MAPRE3: variants seen among roughly 807,000 people sequenced by gnomAD.
MAPRE3 encodes microtubule-associated protein RP/EB family member 3.
A neutral mutation model predicts 30.5 loss-of-function variants in MAPRE3; 2 were observed. That is an observed-to-expected ratio of 0.07 (90% CI 0.03 to 0.21). The LOEUF (loss-of-function observed/expected upper bound fraction) is 0.21. Among genes scored for constraint, MAPRE3 ranks in the 10% least tolerant of loss-of-function variants. The pLI is 1.00. For synonymous variants in MAPRE3, 110 were observed against 127.7 expected (o/e 0.86, Z 0.93); for missense variants, 204 against 351.8 (o/e 0.58, Z 3.36).
chr2:27,006,688 A>G (rs1666737312), intron 1 of MAPRE3, among the ~76,000 whole-genome samples: 1 of 151,848 alleles, frequency 6.6e-6, no homozygotes, highest in African/African-American at 2.4e-5. Context: ...CCCGCCCCAG[A>G]CTCCCAAACC....
intron 1 of MAPRE3, among the ~76,000 whole-genome samples, chr2:26,976,619 A>G (rs966509798): frequency 9.9e-5 from 15 of 152,236 alleles, no homozygotes; most frequent in African/African-American, 3.4e-4. Flanking sequence ...ACTTTTTAGC[A>G]TAACGTCAGT....
At position 27,000,645 on chromosome 2, in the gene MAPRE3, G is replaced by A. The variant is rs138230166; in HGVS notation, c.-7-21567G>A. On this transcript the variant is annotated intron_variant, in intron 1 of 6. Coordinates refer to ENST00000233121, the MANE Select transcript of MAPRE3 (RefSeq NM_012326.4). ...GATGAGAGACAGGAGGAGGAGGAGG[G>A]AAGCAAGGCCCATGACCAGGAGAAG... Among the ~76,000 whole-genome samples, 246 of 152,326 alleles carry A rather than the reference G, an allele frequency of 1.6e-3. 1 individual carries two copies. The highest frequency in any genetic ancestry group is 5.7e-3 in the African/African-American group (238 of 41,572).
chr2:26,984,047 T>A (rs1207797376), intron 1 of MAPRE3, among the ~76,000 whole-genome samples: 1 of 152,226 alleles, frequency 6.6e-6, no homozygotes, highest in Non-Finnish European at 1.5e-5. Flanking sequence ...AATTTTTGCA[T>A]CACTTGTCTC....
intron 1 of MAPRE3, among the ~76,000 whole-genome samples, chr2:27,008,948 C>A (rs1364816276): frequency 2.0e-5 from 3 of 151,568 alleles, no homozygotes; most frequent in Admixed American, 6.6e-5. Flanking sequence ...AAAAGCCAGT[C>A]TCAAAAGGTT....
chr2:27,019,456 A>G (rs955777144), intron 1 of MAPRE3, among the ~76,000 whole-genome samples: 2 of 152,142 alleles, frequency 1.3e-5, no homozygotes, highest in African/African-American at 4.8e-5. Context: ...GCATCACTCA[A>G]TGGTTCAACG....
intron 1 of MAPRE3, among the ~76,000 whole-genome samples, chr2:26,973,346 T>C (rs1324294503): frequency 1.3e-5 from 2 of 152,042 alleles, no homozygotes; most frequent in African/African-American, 4.8e-5. Flanking sequence ...CATTGTGGGG[T>C]TGTATTTGTA....
chr2:27,010,413 C>G (rs1358850930), intron 1 of MAPRE3, among the ~76,000 whole-genome samples: 1 of 149,530 alleles, frequency 6.7e-6, no homozygotes, highest in Non-Finnish European at 1.5e-5. Flanking sequence ...AGATAAGGAG[C>G]ACAAGCCTAC....
At chr2:27,004,960 C>T (rs891865226) in intron 1 of MAPRE3, among the ~76,000 whole-genome samples, 2 of 152,066 alleles carry the variant, frequency 1.3e-5, no homozygotes, top group African/African-American at 4.8e-5. Context: ...GAAATATGTT[C>T]TCCCTCACTA....
At chr2:27,023,871 A>C in intron 3 of MAPRE3, 2 of 542,376 alleles carry the variant, frequency 3.7e-6, no homozygotes, top group Non-Finnish European at 6.7e-6. Context: ...CTCCCCACAC[A>C]GTTCTTCCAC....
intron 1 of MAPRE3, among the ~76,000 whole-genome samples, chr2:26,998,149 C>T (rs575711118): frequency 5.1e-4 from 77 of 152,322 alleles, no homozygotes; most frequent in African/African-American, 1.6e-3. Context: ...GTTTTACAAA[C>T]GCTGTGGTCA....
intron 1 of MAPRE3, among the ~76,000 whole-genome samples, chr2:26,993,833 C>G (rs541807511): frequency 3.3e-5 from 5 of 152,264 alleles, no homozygotes; most frequent in African/African-American, 1.2e-4. Flanking sequence ...TGGCCATGAC[C>G]ATTGATTGTG....
At chr2:26,993,229 G>C (rs1666386128) in intron 1 of MAPRE3, among the ~76,000 whole-genome samples, 2 of 152,174 alleles carry the variant, frequency 1.3e-5, no homozygotes, top group Non-Finnish European at 2.9e-5. Context: ...ACTTAGCCGG[G>C]AGTGGTGGTG....
Position 26,985,089 on chromosome 2 carries a change from G to A in MAPRE3, c.-8+14287G>A, listed in dbSNP as rs1187400250. On this transcript the variant is annotated intron_variant, in intron 1 of 6. Coordinates refer to ENST00000233121, the MANE Select transcript of MAPRE3 (RefSeq NM_012326.4). The surrounding 1 kb of genome is among the most constrained non-coding windows in gnomAD (Gnocchi z 4.2). ...ACTGCCTGAGTTTACTGCAGCATTT[G>A]GGAAGGAGTAGAAGGGACATCCCTA... 1 of 152,204 alleles carries A rather than the reference G, an allele frequency of 6.6e-6. No individual in the cohort carries two copies. Among genetic ancestry groups the A allele is most frequent in the African/African-American group, 2.4e-5 (1 of 41,450 alleles). The allele number at this position is 152,204 out of a possible 1,614,324, so 9.4% of individuals were successfully genotyped here.
chr2:27,009,419 T>C (rs1666801015), intron 1 of MAPRE3, among the ~76,000 whole-genome samples: 1 of 152,256 alleles, frequency 6.6e-6, no homozygotes, highest in Non-Finnish European at 1.5e-5. Context: ...TGGGAATCTC[T>C]TCAGCTTTTA....
chr2:27,026,385 C>A lies in MAPRE3; in HGVS notation c.*37C>A. 1 of 1,546,644 alleles carries A rather than the reference C, an allele frequency of 6.5e-7. No homozygotes were observed. Among genetic ancestry groups the A allele is most frequent in the Non-Finnish European group, 8.9e-7 (1 of 1,126,416 alleles). ...GCCCTGGCTGACTGCACAGCTTCCCCGTGCCTCCCTCCCTGCTCCACTCCC... is the reference window on the plus strand; with the variant it reads ...GCCCTGGCTGACTGCACAGCTTCCCAGTGCCTCCCTCCCTGCTCCACTCCC... On this transcript the variant is annotated 3_prime_UTR_variant, in exon 7 of 7. Coordinates refer to ENST00000233121, the MANE Select transcript of MAPRE3 (RefSeq NM_012326.4).
At position 26,980,337 on chromosome 2, in the gene MAPRE3, G is replaced by A. The variant is rs769209945; in HGVS notation, c.-8+9535G>A. 4.3e-4 allele frequency among the ~76,000 whole-genome samples: 65 copies of A among 152,172 alleles called. 2 individuals are homozygous for A. Among genetic ancestry groups the A allele is most frequent in the Admixed American group, 5.9e-4 (9 of 15,274 alleles). ...TGGCAGCAGGGAGGGAAAGAAAGTAGTAACCAGAAGAAGCAATCGAATCAA... is the reference window on the plus strand; with the variant it reads ...TGGCAGCAGGGAGGGAAAGAAAGTAATAACCAGAAGAAGCAATCGAATCAA... On this transcript the variant is annotated intron_variant, in intron 1 of 6. Transcript: ENST00000233121.
chr2:27,009,134 T>G (rs765418818), intron 1 of MAPRE3, among the ~76,000 whole-genome samples: 64 of 152,284 alleles, frequency 4.2e-4, no homozygotes, highest in Admixed American at 6.5e-4. Context: ...AGGGTGGTGA[T>G]TCCATGAATC....
intron 1 of MAPRE3, among the ~76,000 whole-genome samples, chr2:27,007,364 TC>T (rs1183682652): frequency 6.6e-6 from 1 of 152,234 alleles, no homozygotes; most frequent in Non-Finnish European, 1.5e-5. Flanking sequence ...AAACCTGCTA[TC>T]CTCATTAGCC....
At chr2:27,019,631 C>T (rs1667071220) in intron 1 of MAPRE3, among the ~76,000 whole-genome samples, 1 of 152,210 alleles carries the variant, frequency 6.6e-6, no homozygotes, top group African/African-American at 2.4e-5. Flanking sequence ...GTCAACATTA[C>T]TCTCGGAAAG....
Sources: allele counts gnomAD v4.1 joint callset (sites outside exome capture counted in the v4.1 genomes callset), GRCh38; gene constraint gnomAD v4.1.1; non-coding constraint Gnocchi (gnomAD v3.1); transcripts MANE v1.5; gene names NCBI Gene and HGNC (gene_info 2026-07-23, HGNC 2026-07-21).